The following RUVBL1 variants were observed in gnomAD, a reference collection of about 807,000 sequenced individuals.
RUVBL1 encodes the protein RuvB like AAA ATPase 1, also known as ruvB-like 1.
In RUVBL1, 4 loss-of-function variants were observed where a neutral mutation model predicts 52.4. The ratio of observed to expected loss-of-function variants is 0.08; its 90% CI spans 0.04 to 0.17. RUVBL1 has a LOEUF of 0.17. Among genes scored for constraint, RUVBL1 ranks in the 10% least tolerant of loss-of-function variants. RUVBL1 has a pLI of 1.00. For synonymous variants in RUVBL1, 217 were observed against 214.4 expected (o/e 1.01, Z -0.10); for missense variants, 298 against 572.8 (o/e 0.52, Z 4.90).
intron 1 of RUVBL1, among the ~76,000 whole-genome samples, chr3:128,136,623 CAAAAAAA>C (rs56097921): frequency 1.8e-5 from 2 of 112,210 alleles, no homozygotes; most frequent in African/African-American, 7.0e-5. Flanking sequence ...GAGACCCTGT[CAAAAAAA>C]AAAAAAAAAA....
chr3:128,077,545 C>G (rs1011804275), downstream of RUVBL1, among the ~76,000 whole-genome samples: 3 of 152,252 alleles, frequency 2.0e-5, no homozygotes, highest in Non-Finnish European at 4.4e-5. Context: ...CCAGCACTGG[C>G]TGGGACAAGG....
chr3:128,072,447 A>G (rs577577633), intron 9 of RUVBL1, among the ~76,000 whole-genome samples: 1 of 152,326 alleles, frequency 6.6e-6, no homozygotes, highest in Admixed American at 6.5e-5. Flanking sequence ...ACTGATTTCC[A>G]AGGGGAGTTG....
downstream of RUVBL1, among the ~76,000 whole-genome samples, chr3:128,079,651 C>T (rs1319798417): frequency 6.6e-6 from 1 of 152,228 alleles, no homozygotes; most frequent in Non-Finnish European, 1.5e-5. Flanking sequence ...ACCACCACTG[C>T]TGTGCATGCC....
intron 1 of RUVBL1, among the ~76,000 whole-genome samples, chr3:128,150,981 A>T (rs1467538631): frequency 2.1e-5 from 2 of 93,550 alleles, no homozygotes; most frequent in African/African-American, 8.8e-5. Context: ...TATATTATAT[A>T]TTCTATATAT....
intron 8 of RUVBL1, among the ~76,000 whole-genome samples, chr3:128,092,798 G>C (rs1278884580): frequency 6.6e-6 from 1 of 152,218 alleles, no homozygotes; most frequent in Non-Finnish European, 1.5e-5. Context: ...GCAGTTCCTT[G>C]AAAGGTTAAA....
downstream of RUVBL1, among the ~76,000 whole-genome samples, chr3:128,079,900 C>G (rs1942424049): frequency 6.6e-6 from 1 of 152,212 alleles, no homozygotes. Flanking sequence ...AGCCCTGCCT[C>G]CCATATCATT....
Position 128,067,199 on chromosome 3 carries a change from T to C in RUVBL1, c.940-1979A>G. On this transcript the variant is annotated intron_variant, in intron 9 of 9. Transcript: ENST00000464873. The surrounding 1 kb of genome is among the most constrained non-coding windows in gnomAD (Gnocchi z 4.1). The stretch of plus-strand genomic sequence containing the variant: ...AGCTAGCAATGCAGCTAAGTTGCAG[T>C]GGTTTCTATCAGTGTCTTGCTCATG... 2 of 1,550,958 alleles carry C rather than the reference T, an allele frequency of 1.3e-6. No homozygotes were observed. Among genetic ancestry groups the C allele is most frequent in the Non-Finnish European group, 1.8e-6 (2 of 1,122,794 alleles).
At chr3:128,100,003 G>C (rs1469684069) in intron 6 of RUVBL1, among the ~76,000 whole-genome samples, 1 of 152,180 alleles carries the variant, frequency 6.6e-6, no homozygotes, top group African/African-American at 2.4e-5. Context: ...CTTGACCAAA[G>C]CTCCAAGGAA....
chr3:128,123,546 T>C (rs1943709690), intron 1 of RUVBL1, 38 bp downstream of exon 1: 1 of 1,531,314 alleles, frequency 6.5e-7, no homozygotes, highest in Non-Finnish European at 8.9e-7. Context: ...GCAGCAGCCC[T>C]GCTTGCAGCC....
chr3:128,097,547 G>A (rs375464262), intron 7 of RUVBL1, 49 bp from the exon 8 acceptor site: 7 of 1,536,530 alleles, frequency 4.6e-6, no homozygotes, highest in African/African-American at 4.1e-5. Context: ...GGCTGGGGGA[G>A]ACTATCGCCT....
intron 4 of RUVBL1, among the ~76,000 whole-genome samples, chr3:128,102,257 G>A (rs1287667157): frequency 1.3e-5 from 2 of 152,218 alleles, no homozygotes; most frequent in Non-Finnish European, 2.9e-5. Flanking sequence ...GATGTATACA[G>A]TAATTCAAAG....
intron 3 of RUVBL1, among the ~76,000 whole-genome samples, chr3:128,108,732 AGTT>A (rs1943306163): frequency 6.6e-6 from 1 of 152,052 alleles, no homozygotes; most frequent in African/African-American, 2.4e-5. Context: ...CATTTGAACT[AGTT>A]GTAACATCTT....
chr3:128,152,019 C>A (rs778266310), intron 1 of RUVBL1, among the ~76,000 whole-genome samples: 3 of 152,172 alleles, frequency 2.0e-5, no homozygotes, highest in Non-Finnish European at 4.4e-5. Flanking sequence ...CAGTGGCTTC[C>A]CTCTTTGCAC....
chr3:128,128,193 G>C (rs1576482615), upstream of RUVBL1, among the ~76,000 whole-genome samples: 1 of 152,082 alleles, frequency 6.6e-6, no homozygotes, highest in East Asian at 1.9e-4. Flanking sequence ...TTGCTGTGTT[G>C]GCTAAGCTGG....
chr3:128,115,401 A>G (rs928348103), intron 2 of RUVBL1, among the ~76,000 whole-genome samples: 16 of 152,344 alleles, frequency 1.1e-4, no homozygotes, highest in African/African-American at 3.8e-4. Context: ...CATTATTAAC[A>G]GTGTGAGGTC....
At position 128,098,963 on chromosome 3, in the gene RUVBL1, T is replaced by TA. The variant is rs756814868; in HGVS notation, c.754-19dup. 2 of 1,609,858 alleles carry TA rather than the reference T, an allele frequency of 1.2e-6. No individual in the cohort carries two copies. The highest frequency in any genetic ancestry group is 8.5e-7 in the Non-Finnish European group (1 of 1,176,336). ...TGTCCCCCCTGCATAAGAGAAGACT[T>TA]AGAGTCAGTGCTGCTTTCTAAGGTG... On this transcript the variant is annotated intron_variant, in intron 6 of 10. Transcript: ENST00000322623.
chr3:128,109,211 G>A (rs1254404360), intron 3 of RUVBL1, among the ~76,000 whole-genome samples: 1 of 152,106 alleles, frequency 6.6e-6, no homozygotes, highest in African/African-American at 2.4e-5. Context: ...ATTAATTAAT[G>A]TTTTACATCC....
rs186535292 is a variant in RUVBL1, at chr3:128,110,736, G to A, written c.361+2152C>T. Among the ~76,000 whole-genome samples the A allele has an allele frequency of 3.9e-3, 590 of 152,186 alleles. 3 individuals are homozygous for A. Among genetic ancestry groups the A allele is most frequent in the African/African-American group, 0.012 (504 of 41,536 alleles). On this transcript the variant is annotated intron_variant, in intron 3 of 10. Coordinates refer to ENST00000322623, the MANE Select transcript of RUVBL1 (RefSeq NM_003707.3). ...TGGTCAGAAGTACCCGCTCAGCTCC[G>A]CCTGCTGTGGGAAGGAAAGCTGCTT...
chr3:128,087,898 C>T, intron 8 of RUVBL1, 90 bp from the exon 9 acceptor site: 1 of 920,278 alleles, frequency 1.1e-6, no homozygotes, highest in Non-Finnish European at 1.8e-6. Flanking sequence ...ACACCACAAG[C>T]AGCTGGCTAG....
Sources: gnomAD v4.1 joint callset for allele counts (sites outside exome capture counted in the v4.1 genomes callset) on GRCh38, gnomAD v4.1.1 for gene constraint, Gnocchi (gnomAD v3.1) non-coding constraint, MANE v1.5 for transcripts, NCBI Gene and HGNC (gene_info 2026-07-23, HGNC 2026-07-21) for gene names.